Variants in BCL11B observed in about 807,000 individuals in gnomAD.
BCL11B encodes B-cell lymphoma/leukemia 11B.
Under a neutral mutation model 49.9 loss-of-function variants are expected in BCL11B, and 8 were observed. The ratio of observed to expected loss-of-function variants is 0.16; its 90% CI spans 0.09 to 0.29. The LOEUF (loss-of-function observed/expected upper bound fraction) is 0.29, where lower values mean the gene tolerates loss of function less well. Ranked by LOEUF, BCL11B falls within the 10% of genes least tolerant of loss-of-function variation. BCL11B has a pLI of 1.00. For missense variants in BCL11B, 1,006 were observed against 1,351.0 expected (o/e 0.74, Z 4.00); for synonymous variants, 739 against 637.4 (o/e 1.16, Z -2.40).
intron 3 of BCL11B, among the ~76,000 whole-genome samples, chr14:99,217,385 G>GACACACAC (rs112404818): frequency 5.3e-4 from 70 of 131,018 alleles, no homozygotes; most frequent in Non-Finnish European, 9.2e-4. Flanking sequence ...CACACATACA[G>GACACACAC]ACACACACAC....
At chr14:99,199,681 T>TGTGTGTGTGTGCGCGCGCGC in intron 3 of BCL11B, among the ~76,000 whole-genome samples, 1 of 71,002 alleles carries the variant, frequency 1.4e-5, no homozygotes, top group South Asian at 3.7e-4. Context: ...TGTGTGTGTG[T>TGTGTGTGTGTGCGCGCGCGC]GTGCGCGCGC....
Position 99,242,787 on chromosome 14 carries a change from A to G in BCL11B, c.428-11230T>C, listed in dbSNP as rs1183514797. On this transcript the variant is annotated intron_variant, in intron 2 of 3. Transcript: ENST00000357195. The surrounding 1 kb of genome is among the most constrained non-coding windows in gnomAD (Gnocchi z 4.4). ...CTTTTGCTGGAAAAAAGAAATCAAG[A>G]CACTTCCAAAGAAAAGCAACAACCA... Among the ~76,000 whole-genome samples the G allele has an allele frequency of 6.6e-6, 1 of 152,236 alleles. No individual in the cohort carries two copies. Among genetic ancestry groups the G allele is most frequent in the East Asian group, 1.9e-4 (1 of 5,202 alleles).
intron 3 of BCL11B, among the ~76,000 whole-genome samples, 187 bp from the exon 4 acceptor site, chr14:99,176,382 G>A (rs1156285180): frequency 6.6e-6 from 1 of 152,172 alleles, no homozygotes; most frequent in Non-Finnish European, 1.5e-5. Context: ...CTGGGGGGCC[G>A]AAGACGCAGG....
chr14:99,180,876 C>T (rs1886679959), intron 3 of BCL11B, among the ~76,000 whole-genome samples: 1 of 152,110 alleles, frequency 6.6e-6, no homozygotes, highest in Non-Finnish European at 1.5e-5. Flanking sequence ...GAGGAAACAT[C>T]GTTTTTTATT....
chr14:99,195,718 C>A lies in BCL11B; in HGVS notation c.641-19523G>T, dbSNP rs79497860. On this transcript the variant is annotated intron_variant, in intron 3 of 3. Coordinates refer to ENST00000357195, the MANE Select transcript of BCL11B (RefSeq NM_138576.4). The surrounding 1 kb of genome is among the most constrained non-coding windows in gnomAD (Gnocchi z 4.7). ...TAAGTTTCCTCGAGCTAGCACCCCA[C>A]CCCCAAGGATAACAGGCCCCTACAG... Among the ~76,000 whole-genome samples the A allele has an allele frequency of 2.0e-5, 3 of 152,216 alleles. No homozygotes were observed. The highest frequency in any genetic ancestry group is 3.9e-4 in the East Asian group (2 of 5,172).
intron 3 of BCL11B, among the ~76,000 whole-genome samples, chr14:99,200,516 T>TGG (rs1237987164): frequency 6.6e-6 from 1 of 152,220 alleles, no homozygotes; most frequent in Non-Finnish European, 1.5e-5. Context: ...AGGCCTCCTC[T>TGG]GGGGGCCTGG....
chr14:99,185,215 T>G (rs1438175410), intron 3 of BCL11B, among the ~76,000 whole-genome samples: 1 of 151,964 alleles, frequency 6.6e-6, no homozygotes, highest in East Asian at 1.9e-4. Context: ...GGTGGGCGGA[T>G]CACCTGAGGT....
chr14:99,249,365 T>C (rs1888935252), intron 2 of BCL11B, among the ~76,000 whole-genome samples: 1 of 152,148 alleles, frequency 6.6e-6, no homozygotes, highest in Non-Finnish European at 1.5e-5. Context: ...ACGTGTGCCA[T>C]GGTGGTTTGC....
At chr14:99,206,394 G>C (rs142111123) in intron 3 of BCL11B, among the ~76,000 whole-genome samples, 1 of 152,246 alleles carries the variant, frequency 6.6e-6, no homozygotes, top group African/African-American at 2.4e-5. Context: ...GTTAACCATG[G>C]TCCAAAAATA....
chr14:99,182,839 C>A (rs1886747075), intron 3 of BCL11B, among the ~76,000 whole-genome samples: 1 of 152,220 alleles, frequency 6.6e-6, no homozygotes, highest in Admixed American at 6.5e-5. Flanking sequence ...CCAAATAAAG[C>A]ATGCCTGCAC....
In BCL11B at chr14:99,242,606, T is replaced by G. The variant is rs1415332257; in HGVS notation, c.428-11049A>C. On this transcript the variant is annotated intron_variant, in intron 2 of 3. Transcript: ENST00000357195. This position sits in a 1 kb window ranked among gnomAD's most constrained non-coding sequence, Gnocchi z 4.4. Reference sequence around the variant, plus strand: ...GGAGAGGACCACACTCTCCCACCCCTACCCCACAACTCCAGCCCAAAGTCT... The same window carrying G: ...GGAGAGGACCACACTCTCCCACCCCGACCCCACAACTCCAGCCCAAAGTCT... Among the ~76,000 whole-genome samples, 1 of 152,178 alleles carries G rather than the reference T, an allele frequency of 6.6e-6. No homozygotes were observed. Among genetic ancestry groups the G allele is most frequent in the Admixed American group, 6.5e-5 (1 of 15,278 alleles).
intron 3 of BCL11B, among the ~76,000 whole-genome samples, chr14:99,230,590 A>G (rs1888299383): frequency 6.6e-6 from 1 of 152,140 alleles, no homozygotes; most frequent in Non-Finnish European, 1.5e-5. Flanking sequence ...GCAGAATAAG[A>G]TCTTGGGTTC....
At chr14:99,206,250 T>C (rs1458071946) in intron 3 of BCL11B, among the ~76,000 whole-genome samples, 1 of 152,166 alleles carries the variant, frequency 6.6e-6, no homozygotes, top group Non-Finnish European at 1.5e-5. Flanking sequence ...TTTCTGTAAA[T>C]AAAGTTTTAT....
Position 99,176,112 on chromosome 14 carries a change from T to A in BCL11B, c.724A>T (p.Asn242Tyr), listed in dbSNP as rs1886519611. The change falls in exon 4 of 4, where the codon AAC becomes TAC. Residue 242 changes from asparagine (N) to tyrosine (Y), a missense_variant. Asn to Tyr is a moderately radical substitution (Grantham distance 143, BLOSUM62 -2). Transcript: ENST00000357195. Reference sequence around the variant, plus strand: ...AGGTAGATGCGGAAGCCGTGCGTGTTCTGCGCGTGCTGCAGCAGGAACCAC... The same window carrying A: ...AGGTAGATGCGGAAGCCGTGCGTGTACTGCGCGTGCTGCAGCAGGAACCAC... ...SAWFLLQHAQ[N>Y]THGFRIYLEP... The A allele has an allele frequency of 6.2e-7, 1 of 1,610,856 alleles. No homozygotes were observed. The highest frequency in any genetic ancestry group is 1.3e-5 in the African/African-American group (1 of 74,660).
chr14:99,211,176 T>C (rs1389700565), intron 3 of BCL11B, among the ~76,000 whole-genome samples: 2 of 152,092 alleles, frequency 1.3e-5, no homozygotes, highest in Non-Finnish European at 2.9e-5. Context: ...GCCAAAGTCA[T>C]CCAGTTAAGA....
chr14:99,229,801 G>A (rs139927250), intron 3 of BCL11B, among the ~76,000 whole-genome samples: 302 of 152,224 alleles, frequency 2.0e-3, no homozygotes, highest in African/African-American at 6.9e-3. Context: ...TGCCGAGGCT[G>A]CAGCGCTAAT....
intron 1 of BCL11B, among the ~76,000 whole-genome samples, chr14:99,265,842 A>T (rs1889465173): frequency 6.6e-6 from 1 of 152,194 alleles, no homozygotes. Flanking sequence ...GGTTAGAATA[A>T]AGCACTCTTT....
intron 2 of BCL11B, among the ~76,000 whole-genome samples, chr14:99,239,533 G>A (rs143303564): frequency 7.1e-4 from 108 of 152,256 alleles, no homozygotes; most frequent in African/African-American, 2.6e-3. Context: ...TTTAGAGCTG[G>A]GGGTGGGAGT....
intron 3 of BCL11B, among the ~76,000 whole-genome samples, chr14:99,191,954 A>G (rs1350810261): frequency 6.6e-6 from 1 of 152,076 alleles, no homozygotes; most frequent in Middle Eastern, 3.2e-3. Context: ...TGACGGGGGG[A>G]GGAGGATGAC....
Sources: allele counts gnomAD v4.1 joint callset (sites outside exome capture counted in the v4.1 genomes callset), GRCh38; gene constraint gnomAD v4.1.1; non-coding constraint Gnocchi (gnomAD v3.1); transcripts MANE v1.5; gene names NCBI Gene and HGNC (gene_info 2026-07-23, HGNC 2026-07-21).